The following ACAA1 variants were observed in gnomAD, a reference collection of about 807,000 sequenced individuals.
ACAA1 encodes the protein 3-ketoacyl-CoA thiolase, peroxisomal.
A neutral mutation model predicts 48.8 loss-of-function variants in ACAA1; 44 were observed. The observed-to-expected ratio is 0.90, with a 90% CI of 0.71 to 1.16. The LOEUF (loss-of-function observed/expected upper bound fraction) is 1.16, where lower values mean the gene tolerates loss of function less well. Among genes scored for constraint, ACAA1 ranks in the 50% most tolerant of loss-of-function variants. The pLI is 0.00. For missense variants in ACAA1, 512 were observed against 562.3 expected (o/e 0.91, Z 0.90); for synonymous variants, 233 against 226.5 (o/e 1.03, Z -0.26).
In ACAA1 at chr3:38,136,699, A is replaced by G. The variant is rs767895580; in HGVS notation, c.172-14T>C. ...GGGGGTGGTGTCCTGCAGCAGAAAGAGCAGCCGCAGTGACCCCCACTCCCC... is the reference window on the plus strand; with the variant it reads ...GGGGGTGGTGTCCTGCAGCAGAAAGGGCAGCCGCAGTGACCCCCACTCCCC... On this transcript the variant is annotated splice_polypyrimidine_tract_variant and intron_variant, in intron 1 of 11. Transcript: ENST00000333167. 1.9e-6 allele frequency: 3 copies of G among 1,598,918 alleles called. No individual in the cohort carries two copies. In the South Asian group the frequency reaches 3.4e-5, roughly 18 times the overall value.
Position 38,125,908 on chromosome 3 carries a change from G to A in ACAA1, c.998-27C>T, listed in dbSNP as rs760026998. The A allele has an allele frequency of 6.2e-6, 10 of 1,614,034 alleles. No homozygotes were observed. The South Asian group carries it at 8.8e-5, about 14-fold the overall frequency. ...TGCAGACAAGGTAAAGACCTGAGCT[G>A]ACACACTGGCCCTCTGCCTCCCCTG... On this transcript the variant is annotated intron_variant, in intron 9 of 11. Transcript: ENST00000333167.
intron 4 of ACAA1, 70 bp downstream of exon 4, chr3:38,131,856 G>A (rs1575264325): frequency 1.4e-5 from 20 of 1,455,288 alleles, no homozygotes; most frequent in South Asian, 1.3e-4. Context: ...TTGCTTGCCC[G>A]GCAGACAGCG....
Position 38,125,696 on chromosome 3 carries a change from C to T in ACAA1, c.1068G>A (p.Val356=). The T allele has an allele frequency of 2.5e-6, 4 of 1,605,174 alleles. No homozygotes were observed. Among genetic ancestry groups the T allele is most frequent in the Non-Finnish European group, 3.4e-6 (4 of 1,174,792 alleles). The part of the protein sequence containing the change: ...EAFASQAAYC[V]EKLRLPPEKV... ...TCTCAGGGGGGAGTCGTAGCTTCTC[C>T]ACACAGTAGGCAGCCTGGAAGGAGG... The change falls in exon 11 of 12, where the codon GTG becomes GTA. Residue 356 remains valine, a synonymous_variant. Transcript: ENST00000333167.
At chr3:38,132,905 A>G (rs963451293) in intron 3 of ACAA1, among the ~76,000 whole-genome samples, 1 of 152,184 alleles carries the variant, frequency 6.6e-6, no homozygotes, top group African/African-American at 2.4e-5. Flanking sequence ...CCAAGTGTTC[A>G]CTAAATACCT....
At position 38,136,953 on chromosome 3, in the gene ACAA1, C is replaced by T. The variant is rs184980517; in HGVS notation, c.83G>A (p.Ser28Asn). The change falls in exon 1 of 12, where the codon AGC becomes AAC. Residue 28 changes from serine to asparagine, a missense_variant. By Grantham distance (46) the Ser-to-Asn change is conservative. Coordinates refer to ENST00000333167, the MANE Select transcript of ACAA1 (RefSeq NM_001607.4). Reference sequence around the variant, plus strand: ...CGCGGCCGAGGCCTGCGGGGCACCGCTCAGGCAAGGCGCGGCCTGCGGCAT... The same window carrying T: ...CGCGGCCGAGGCCTGCGGGGCACCGTTCAGGCAAGGCGCGGCCTGCGGCAT... ...GWMPQAAPCLSGAPQASAADV... is the reference protein window; with the variant it reads ...GWMPQAAPCLNGAPQASAADV... 2.6e-6 allele frequency: 4 copies of T among 1,549,092 alleles called. No individual in the cohort carries two copies. The highest frequency in any genetic ancestry group is 4.9e-5 in the East Asian group (2 of 40,736).
In ACAA1 at chr3:38,125,651, AC is replaced by A; in HGVS notation, c.1112del (p.Gly371ValfsTer5). 2 of 1,597,480 alleles carry A rather than the reference AC, an allele frequency of 1.3e-6. No homozygotes were observed. The highest frequency in any genetic ancestry group is 1.7e-6 in the Non-Finnish European group (2 of 1,170,910). ...LPPEKVNPLGGAVALGHPLGC... is the reference protein window; with the variant it reads ...LPPEKVNPLGXAVALGHPLGC... Reference sequence around the variant, plus strand: ...CCAGTGGGTGCCCTAAGGCCACTGCACCCCCCAGGGGGTTCACCTTCTCAGG... The same window carrying A: ...CCAGTGGGTGCCCTAAGGCCACTGCACCCCCAGGGGGTTCACCTTCTCAGG... On this transcript the variant is annotated frameshift_variant, in exon 11 of 12. Transcript: ENST00000333167. LOFTEE classifies it high-confidence loss of function.
rs1700568972 is a variant in ACAA1, at chr3:38,123,030, C to G, written c.*17G>C. 6.2e-7 allele frequency: 1 copy of G among 1,613,866 alleles called. No homozygotes were observed. The highest frequency in any genetic ancestry group is 8.5e-7 in the Non-Finnish European group (1 of 1,179,844). On this transcript the variant is annotated 3_prime_UTR_variant, in exon 12 of 12. Coordinates refer to ENST00000333167, the MANE Select transcript of ACAA1 (RefSeq NM_001607.4). ...CAGCAGGACTGTCTGCGTAGCGCCT[C>G]CAGCCTGGGACCTCACTCAGTTCCC...
chr3:38,128,813 G>C (rs1156338046), intron 6 of ACAA1, among the ~76,000 whole-genome samples: 1 of 152,074 alleles, frequency 6.6e-6, no homozygotes, highest in African/African-American at 2.4e-5. Flanking sequence ...GGATGGTCTC[G>C]ATCTCCTGAC....
At chr3:38,135,845 T>A (rs1700880498) in intron 2 of ACAA1, among the ~76,000 whole-genome samples, 1 of 152,160 alleles carries the variant, frequency 6.6e-6, no homozygotes, top group Non-Finnish European at 1.5e-5. Flanking sequence ...CTTCCTCTTT[T>A]ACTAATACTC....
At chr3:38,124,517 G>C (rs999621216) in intron 11 of ACAA1, 1 of 152,138 alleles carries the variant, frequency 6.6e-6, no homozygotes, top group Non-Finnish European at 1.5e-5. Flanking sequence ...TGAGGTGGGA[G>C]GATTGCTTGA....
Position 38,122,966 on chromosome 3 carries a change from T to C in ACAA1, c.*81A>G, listed in dbSNP as rs975075169. On this transcript the variant is annotated 3_prime_UTR_variant, in exon 12 of 12. Transcript: ENST00000333167. Reference sequence around the variant, plus strand: ...ACCACCAGTGCTGAGTTTTCCCATGTGGTTTTGCTTTTGTGGTGTTACTGC... The same window carrying C: ...ACCACCAGTGCTGAGTTTTCCCATGCGGTTTTGCTTTTGTGGTGTTACTGC... 2 of 1,423,836 alleles carry C rather than the reference T, an allele frequency of 1.4e-6. No individual in the cohort carries two copies. Among genetic ancestry groups the C allele is most frequent in the East Asian group, 2.3e-5 (1 of 43,892 alleles). The allele number at this position is 1,423,836 out of a possible 1,614,324, so 88.2% of individuals were successfully genotyped here.
intron 2 of ACAA1, among the ~76,000 whole-genome samples, chr3:38,134,974 C>T (rs1700861411): frequency 1.3e-5 from 2 of 152,088 alleles, no homozygotes; most frequent in African/African-American, 2.4e-5. Context: ...CGGAATGTCT[C>T]GGTGTAAAGC....
At chr3:38,135,547 G>C (rs913465613) in intron 2 of ACAA1, among the ~76,000 whole-genome samples, 17 of 152,134 alleles carry the variant, frequency 1.1e-4, no homozygotes, top group Admixed American at 9.8e-4. Context: ...TTTAAGGAAA[G>C]GTGCTGTGCC....
chr3:38,127,945 G>A lies in ACAA1; in HGVS notation c.546-79C>T. On this transcript the variant is annotated intron_variant, in intron 6 of 11. Coordinates refer to ENST00000333167, the MANE Select transcript of ACAA1 (RefSeq NM_001607.4). Reference sequence around the variant, plus strand: ...GGACCAGGCTGTAGAGCTGTGCTTGGAACTTTGGGTTCCCAAGGCTGTAGG... The same window carrying A: ...GGACCAGGCTGTAGAGCTGTGCTTGAAACTTTGGGTTCCCAAGGCTGTAGG... 8.1e-6 allele frequency: 12 copies of A among 1,490,472 alleles called. 1 individual carries two copies. The South Asian group carries it at 1.3e-4, about 16-fold the overall frequency. 92.3% of individuals were successfully genotyped at this position (1,490,472 alleles called of 1,614,324 possible). A position where few individuals can be genotyped will look rare whatever the true frequency, so the allele number is the denominator to read the frequency against.
At chr3:38,131,871 T>C (rs1301823177) in intron 4 of ACAA1, 55 bp downstream of exon 4, 15 of 1,524,800 alleles carry the variant, frequency 9.8e-6, no homozygotes, top group African/African-American at 1.4e-5. Context: ...ACAGCGACTT[T>C]GCTGACCCAA....
chr3:38,127,728 A>G (rs1700706229), intron 7 of ACAA1, 58 bp downstream of exon 7: 5 of 1,567,182 alleles, frequency 3.2e-6, no homozygotes, highest in African/African-American at 1.4e-5. Context: ...GACCACTTAG[A>G]TAGACTCAAA....
intron 1 of ACAA1, 33 bp from the exon 2 acceptor site, chr3:38,136,718 A>G: frequency 1.3e-6 from 2 of 1,573,124 alleles, no homozygotes; most frequent in Non-Finnish European, 1.7e-6. Context: ...AGTGACCCCC[A>G]CTCCCCCATG....
chr3:38,133,795 A>C, intron 3 of ACAA1, 157 bp downstream of exon 3: 2 of 687,234 alleles, frequency 2.9e-6, no homozygotes, highest in Non-Finnish European at 2.6e-6. Context: ...AAAGTAGGGG[A>C]GAGGTTGAGT....
chr3:38,132,565 A>T (rs1359074787), intron 3 of ACAA1: 5 of 152,408 alleles, frequency 3.3e-5, no homozygotes, highest in African/African-American at 1.2e-4. Context: ...TCTAACATCC[A>T]TTGCTCTGGT....
Sources: allele counts gnomAD v4.1 joint callset (sites outside exome capture counted in the v4.1 genomes callset), GRCh38; gene constraint gnomAD v4.1.1; transcripts MANE v1.5; gene names NCBI Gene and HGNC (gene_info 2026-07-23, HGNC 2026-07-21).